The following ZZEF1 variants were observed in gnomAD, a reference collection of about 807,000 sequenced individuals.
The protein encoded by ZZEF1 is zinc finger ZZ-type and EF-hand domain-containing protein 1.
Under a neutral mutation model 342.8 loss-of-function variants are expected in ZZEF1, and 157 were observed. The observed-to-expected ratio is 0.46, with a 90% confidence interval of 0.40 to 0.52. ZZEF1 has a LOEUF of 0.52. Ranked by LOEUF, ZZEF1 falls within the 20% of genes least tolerant of loss-of-function variation. The pLI is 0.00. For missense variants in ZZEF1, 3,480 were observed against 3,725.6 expected (o/e 0.93, Z 1.72); for synonymous variants, 1,505 against 1,429.1 (o/e 1.05, Z -1.20).
Position 4,014,172 on chromosome 17 carries a change from G to A in ZZEF1, c.8331C>T (p.Tyr2777=), listed in dbSNP as rs781606347. The change falls in exon 51 of 55, where the codon TAC becomes TAT. Residue 2777 remains tyrosine (Y), a synonymous_variant. Coordinates refer to ENST00000381638, the MANE Select transcript of ZZEF1 (RefSeq NM_015113.4). This position sits in a 1 kb window ranked among gnomAD's most constrained non-coding sequence, Gnocchi z 4.4. The part of the protein sequence containing the change: ...DFELPGDTLY[Y]RFTSDMSNTE... The stretch of plus-strand genomic sequence containing the variant: ...TGTTGCTCATGTCGGAGGTGAAGCG[G>A]TAATACAGAGTGTCTCCTAGGCACA... The A allele has an allele frequency of 1.2e-6, 2 of 1,614,168 alleles. No homozygotes were observed. Among genetic ancestry groups the A allele is most frequent in the South Asian group, 1.1e-5 (1 of 91,082 alleles).
chr17:4,086,106 C>T (rs1170768020), intron 15 of ZZEF1, among the ~76,000 whole-genome samples: 1 of 152,224 alleles, frequency 6.6e-6, no homozygotes, highest in African/African-American at 2.4e-5. Context: ...AATCTATCAG[C>T]CTCATCTGAG....
rs1252647305 is a variant in ZZEF1, at chr17:4,078,024, T to C, written c.2848A>G (p.Ser950Gly). 6.2e-7 allele frequency: 1 copy of C among 1,613,946 alleles called. No homozygotes were observed. Among genetic ancestry groups the C allele is most frequent in the Non-Finnish European group, 8.5e-7 (1 of 1,179,972 alleles). ...GAGCCCACCTCCCCTGGGGCCCCACTGAGCATTAACAGCTCGCACTACAAG... is the reference window on the plus strand; with the variant it reads ...GAGCCCACCTCCCCTGGGGCCCCACCGAGCATTAACAGCTCGCACTACAAG... ...AARECELLML[S>G]GAPGEVGSVL... is the part of the protein sequence containing the mutation. Residue 950 changes from serine (S) to glycine (G), a missense_variant, in exon 19 of 55, where the codon AGT becomes GGT. Ser to Gly is a moderately conservative substitution (Grantham distance 56, BLOSUM62 0). Around this residue, in one of 5 missense-constraint regions of ZZEF1, gnomAD observed 1,528 missense variants for 1,624.1 expected, o/e 0.94. Coordinates refer to ENST00000381638, the MANE Select transcript of ZZEF1 (RefSeq NM_015113.4).
intron 46 of ZZEF1, among the ~76,000 whole-genome samples, chr17:4,018,180 C>T (rs1468476649): frequency 6.6e-6 from 1 of 152,150 alleles, no homozygotes; most frequent in African/African-American, 2.4e-5. Flanking sequence ...GAGATGCAAA[C>T]TCTCCTGCAA....
Position 4,014,601 on chromosome 17 carries a change from G to A in ZZEF1, c.8146-86C>T. ...TGTCCCATGCCGAGTCCTGTGGCTGGACCCGGGTGTGTGAGAATGAGTGAA... is the reference window on the plus strand; with the variant it reads ...TGTCCCATGCCGAGTCCTGTGGCTGAACCCGGGTGTGTGAGAATGAGTGAA... On this transcript the variant is annotated intron_variant, in intron 49 of 54. Coordinates refer to ENST00000381638, the MANE Select transcript of ZZEF1 (RefSeq NM_015113.4). The surrounding 1 kb of genome is among the most constrained non-coding windows in gnomAD (Gnocchi z 4.4). 1 of 1,441,532 alleles carries A rather than the reference G, an allele frequency of 6.9e-7. No homozygotes were observed. Among genetic ancestry groups the A allele is most frequent in the Non-Finnish European group, 9.6e-7 (1 of 1,038,424 alleles). 89.3% of individuals were successfully genotyped at this position (1,441,532 alleles called of 1,614,324 possible).
Position 4,070,773 on chromosome 17 carries a change from G to A in ZZEF1, c.3986C>T (p.Ala1329Val). The change falls in exon 26 of 55, where the codon GCT (alanine) becomes GTT (valine). Residue 1329 changes from alanine (A) to valine (V), a missense_variant. By Grantham distance (64) the Ala-to-Val change is moderately conservative (BLOSUM62 0). Around this residue, in one of 5 missense-constraint regions of ZZEF1, gnomAD observed 1,528 missense variants for 1,624.1 expected, o/e 0.94. Transcript: ENST00000381638. ...CACAGCTTGATCAATAGTGGAACCA[G>A]CAACTATATCTGTCTTTGGGGCCTG... is the stretch of plus-strand genomic sequence containing the variant. ...RKQAPKTDIV[A>V]GSTIDQAVNA... 6.2e-7 allele frequency: 1 copy of A among 1,614,138 alleles called. No homozygotes were observed. The highest frequency in any genetic ancestry group is 1.1e-5 in the South Asian group (1 of 91,076).
intron 1 of ZZEF1, among the ~76,000 whole-genome samples, chr17:4,137,335 G>T (rs1445547015): frequency 1.3e-5 from 2 of 152,220 alleles, no homozygotes; most frequent in Admixed American, 6.5e-5. Context: ...ACTCGGCCAG[G>T]TGCGATGGCT....
intron 1 of ZZEF1, among the ~76,000 whole-genome samples, chr17:4,131,839 A>C (rs1439928975): frequency 6.6e-6 from 1 of 152,178 alleles, no homozygotes; most frequent in African/African-American, 2.4e-5. Flanking sequence ...GAACTTACAT[A>C]ATCATAATAA....
chr17:4,088,934 T>A, intron 12 of ZZEF1, 41 bp from the exon 13 acceptor site: 7 of 1,589,780 alleles, frequency 4.4e-6, no homozygotes, highest in Non-Finnish European at 6.0e-6. Flanking sequence ...GAACTCAGAA[T>A]CCCTGAATAT....
chr17:4,035,941 CAT>C (rs1220981773), intron 39 of ZZEF1, among the ~76,000 whole-genome samples: 1 of 151,842 alleles, frequency 6.6e-6, no homozygotes, highest in East Asian at 1.9e-4. Context: ...CCCTACTAAA[CAT>C]ATAAAAATTA....
intron 46 of ZZEF1, 59 bp from the exon 47 acceptor site, chr17:4,018,030 G>T: frequency 6.3e-7 from 1 of 1,589,740 alleles, no homozygotes; most frequent in Non-Finnish European, 8.6e-7. Flanking sequence ...GTTTTAACCT[G>T]CACTTAAACT....
At chr17:4,108,691 G>C (rs922314630) in intron 6 of ZZEF1, among the ~76,000 whole-genome samples, 3 of 152,286 alleles carry the variant, frequency 2.0e-5, no homozygotes, top group African/African-American at 7.2e-5. Flanking sequence ...GGCACAGGCA[G>C]GCAAATTACT....
chr17:4,087,142 A>G (rs2057847707), intron 14 of ZZEF1, among the ~76,000 whole-genome samples: 1 of 152,186 alleles, frequency 6.6e-6, no homozygotes, highest in Non-Finnish European at 1.5e-5. Context: ...AGCCTCCCAA[A>G]GTGCTGGGAT....
chr17:4,055,347 A>G (rs1207998063), intron 33 of ZZEF1, among the ~76,000 whole-genome samples: 1 of 152,238 alleles, frequency 6.6e-6, no homozygotes, highest in Non-Finnish European at 1.5e-5. Context: ...TGGTTGGCAC[A>G]TAGTAGGCAC....
chr17:4,116,991 C>T lies in ZZEF1; in HGVS notation c.675G>A (p.Gln225=). Residue 225 remains glutamine (Q), a synonymous_variant, in exon 3 of 55, where the codon CAG becomes CAA. Coordinates refer to ENST00000381638, the MANE Select transcript of ZZEF1 (RefSeq NM_015113.4). Reference sequence around the variant, plus strand: ...ACATACCCTTTTCCTTTTGTACCAGCTGATCCAGAGACTCCTTCAGGACGG... The same window carrying T: ...ACATACCCTTTTCCTTTTGTACCAGTTGATCCAGAGACTCCTTCAGGACGG... ...RSSVLKESLD[Q]LVQKEKESPG... The T allele has an allele frequency of 6.2e-7, 1 of 1,610,144 alleles. No individual in the cohort carries two copies. The highest frequency in any genetic ancestry group is 8.5e-7 in the Non-Finnish European group (1 of 1,177,384).
Position 4,081,441 on chromosome 17 carries a change from C to A in ZZEF1, c.2764G>T (p.Ala922Ser). The A allele has an allele frequency of 6.2e-7, 1 of 1,614,020 alleles. No individual in the cohort carries two copies. The highest frequency in any genetic ancestry group is 1.1e-5 in the South Asian group (1 of 91,068). The change falls in exon 18 of 55, where the codon GCC (alanine) becomes TCC (serine). Residue 922 changes from alanine (A) to serine (S), a missense_variant. By Grantham distance (99) the Ala-to-Ser change is moderately conservative. Coordinates refer to ENST00000381638, the MANE Select transcript of ZZEF1 (RefSeq NM_015113.4). ...LLLLPEKNDL[A>S]KMNISEVLAV... is the part of the protein sequence containing the mutation. The stretch of plus-strand genomic sequence containing the variant: ...AGGACTTCACTGATGTTCATCTTGG[C>A]CAGGTCGTTCTTCTCAGGTAAAAGA...
Position 4,019,783 on chromosome 17 carries a change from G to T in ZZEF1, c.7405-14C>A. On this transcript the variant is annotated splice_polypyrimidine_tract_variant and intron_variant, in intron 45 of 54. Coordinates refer to ENST00000381638, the MANE Select transcript of ZZEF1 (RefSeq NM_015113.4). ...ATCATGAGCCATCTGGAGGCCAGGG[G>T]AGGACGCAGACAAGAACCATTAACA... is the stretch of plus-strand genomic sequence containing the variant. 1 of 1,593,392 alleles carries T rather than the reference G, an allele frequency of 6.3e-7. No homozygotes were observed.
intron 1 of ZZEF1, 35 bp downstream of exon 1, chr17:4,142,507 C>A: frequency 6.3e-7 from 1 of 1,584,902 alleles, no homozygotes; most frequent in South Asian, 1.1e-5. Flanking sequence ...GGCGACCGCC[C>A]TGCCCCATCC....
chr17:4,084,543 G>A (rs545678606), intron 16 of ZZEF1, among the ~76,000 whole-genome samples: 8 of 152,228 alleles, frequency 5.3e-5, no homozygotes, highest in Admixed American at 2.0e-4. Context: ...TACCATCATT[G>A]TAACACAGGA....
At chr17:4,011,955 C>G (rs9901950) in intron 52 of ZZEF1, among the ~76,000 whole-genome samples, 44,757 of 152,164 alleles carry the variant, frequency 0.29, 8,079 homozygotes, top group African/African-American at 0.52. Context: ...AGGCAGGCCC[C>G]TCTCTCACTC....
Sources: allele counts gnomAD v4.1 joint callset (sites outside exome capture counted in the v4.1 genomes callset), GRCh38; gene constraint gnomAD v4.1.1; regional missense constraint gnomAD v4.1.1; non-coding constraint Gnocchi (gnomAD v3.1); transcripts MANE v1.5; gene names NCBI Gene and HGNC (gene_info 2026-07-23, HGNC 2026-07-21).